SNTG2: variants seen among roughly 807,000 people sequenced by gnomAD.
SNTG2 encodes the protein gamma-2-syntrophin.
Under a neutral mutation model 70.9 loss-of-function variants are expected in SNTG2, and 74 were observed. The observed-to-expected ratio is 1.04, with a 90% CI of 0.86 to 1.27. The LOEUF is 1.27. Among genes scored for constraint, SNTG2 ranks in the 50% most tolerant of loss-of-function variants. SNTG2 has a pLI of 0.00. For missense variants in SNTG2, 717 were observed against 690.7 expected, an observed-to-expected ratio of 1.04 and a Z score of -0.43; for synonymous variants, 278 against 273.8, an observed-to-expected ratio of 1.02 and a Z score of -0.15.
chr2:1,223,411 G>C (rs1271806981), intron 9 of SNTG2, among the ~76,000 whole-genome samples: 1 of 152,072 alleles, frequency 6.6e-6, no homozygotes, highest in East Asian at 1.9e-4. Flanking sequence ...GTGATGGAGG[G>C]CGTCTCCCTG....
chr2:1,222,509 T>G (rs60242449), intron 9 of SNTG2, among the ~76,000 whole-genome samples: 3 of 135,856 alleles, frequency 2.2e-5, no homozygotes, highest in African/African-American at 8.8e-5. Flanking sequence ...ATGGAGGGCG[T>G]CTCCCTGTCC....
rs562321657 is a variant in SNTG2, at chr2:1,099,843, C to A, written c.325+1433C>A. ...GAATGCGTTGCCATGAAATTTGCATCCGGGTAAAGATTCTTTTTCGGCAGA... is the reference window on the plus strand; with the variant it reads ...GAATGCGTTGCCATGAAATTTGCATACGGGTAAAGATTCTTTTTCGGCAGA... On this transcript the variant is annotated intron_variant, in intron 4 of 16. Transcript: ENST00000308624. Among the ~76,000 whole-genome samples the A allele has an allele frequency of 2.0e-5, 3 of 152,310 alleles. No individual in the cohort carries two copies. In the South Asian group the frequency reaches 6.2e-4, roughly 32 times the overall value.
At chr2:1,129,396 G>T (rs1315834700) in intron 4 of SNTG2, among the ~76,000 whole-genome samples, 1 of 152,160 alleles carries the variant, frequency 6.6e-6, no homozygotes, top group Non-Finnish European at 1.5e-5. Flanking sequence ...TTTATATAAA[G>T]GTCTATATCA....
At chr2:1,110,466 C>A (rs1049792401) in intron 4 of SNTG2, among the ~76,000 whole-genome samples, 1 of 152,220 alleles carries the variant, frequency 6.6e-6, no homozygotes, top group Non-Finnish European at 1.5e-5. Flanking sequence ...CCTTTCTCCC[C>A]TAATACCTTC....
chr2:1,069,654 G>A (rs2148133230), intron 1 of SNTG2, among the ~76,000 whole-genome samples: 2 of 152,180 alleles, frequency 1.3e-5, no homozygotes, highest in South Asian at 4.2e-4. Context: ...TGCTGGGCAG[G>A]ATGACACGTG....
At chr2:1,046,205 C>T (rs540876367) in intron 1 of SNTG2, among the ~76,000 whole-genome samples, 33 of 152,066 alleles carry the variant, frequency 2.2e-4, no homozygotes, top group Non-Finnish European at 4.4e-4. Context: ...CTGTTTTCTG[C>T]TTGCTTCATA....
At chr2:1,070,786 C>G (rs1264575995) in intron 1 of SNTG2, among the ~76,000 whole-genome samples, 1 of 152,188 alleles carries the variant, frequency 6.6e-6, no homozygotes, top group Non-Finnish European at 1.5e-5. Context: ...ACGATAATTT[C>G]TGCAGCAAGC....
intron 6 of SNTG2, among the ~76,000 whole-genome samples, chr2:1,163,881 C>T (rs572018653): frequency 1.1e-4 from 16 of 152,242 alleles, no homozygotes; most frequent in African/African-American, 3.9e-4. Context: ...TAGAAATGTC[C>T]TCAGGTGAAA....
At chr2:1,031,540 T>TTTTTTTTTTTTTTTTC (rs1660836760) in intron 1 of SNTG2, among the ~76,000 whole-genome samples, 1 of 71,496 alleles carries the variant, frequency 1.4e-5, no homozygotes, top group East Asian at 2.8e-4. Context: ...TTTTTTTTTT[T>TTTTTTTTTTTTTTTTC]TTTTTTTTGA....
intron 1 of SNTG2, among the ~76,000 whole-genome samples, chr2:1,004,550 A>G (rs1659505664): frequency 6.6e-6 from 1 of 152,234 alleles, no homozygotes; most frequent in South Asian, 2.1e-4. Flanking sequence ...GATGGCAGAT[A>G]AGCATATGAG....
chr2:1,091,060 C>G (rs927098627), intron 2 of SNTG2, among the ~76,000 whole-genome samples: 17 of 152,196 alleles, frequency 1.1e-4, no homozygotes, highest in Admixed American at 3.3e-4. Flanking sequence ...GGCCCATCTC[C>G]TGCCCTGTTC....
chr2:978,378 A>G (rs1359790699), intron 1 of SNTG2, among the ~76,000 whole-genome samples: 3 of 152,228 alleles, frequency 2.0e-5, no homozygotes, highest in African/African-American at 7.2e-5. Flanking sequence ...TTTTCATTCA[A>G]GTTTAGTTGG....
rs991304275 is a variant in SNTG2, at chr2:1,087,171, G to T, written c.210+3516G>T. ...GGTTTAGATGGCCGACAGATAGCAGGAGGGGTAAATAAAAAGACAGCGGCA... is the reference window on the plus strand; with the variant it reads ...GGTTTAGATGGCCGACAGATAGCAGTAGGGGTAAATAAAAAGACAGCGGCA... On this transcript the variant is annotated intron_variant, in intron 2 of 16. Transcript: ENST00000308624. 1.8e-4 allele frequency among the ~76,000 whole-genome samples: 28 copies of T among 152,198 alleles called. 1 individual carries two copies. Among genetic ancestry groups the T allele is most frequent in the Admixed American group, 1.2e-3 (19 of 15,276 alleles).
intron 1 of SNTG2, among the ~76,000 whole-genome samples, chr2:1,015,575 G>A (rs1477230988): frequency 9.9e-5 from 15 of 152,212 alleles, no homozygotes; most frequent in Admixed American, 9.8e-4. Flanking sequence ...TTTAAGGCCA[G>A]TAAACGTGGA....
At chr2:1,172,641 AC>A (rs2147882470) in intron 7 of SNTG2, among the ~76,000 whole-genome samples, 1 of 152,282 alleles carries the variant, frequency 6.6e-6, no homozygotes, top group East Asian at 1.9e-4. Flanking sequence ...CACCTGTTTT[AC>A]CTGTAATGTG....
chr2:1,056,990 T>C (rs7421611), intron 1 of SNTG2, among the ~76,000 whole-genome samples: 17,828 of 112,182 alleles, frequency 0.16, 1,909 homozygotes, highest in East Asian at 0.49. Flanking sequence ...GGCCACCCCG[T>C]GGGGAGGGAG....
chr2:1,022,473 C>G (rs535679843), intron 1 of SNTG2, among the ~76,000 whole-genome samples: 1 of 151,756 alleles, frequency 6.6e-6, no homozygotes, highest in East Asian at 1.9e-4. Context: ...TCCCATGAGT[C>G]CCTGAGTTCC....
At chr2:1,219,699 TGGAGGGGAGGCGAGG>T (rs1191865749) in intron 9 of SNTG2, among the ~76,000 whole-genome samples, 1 of 80,500 alleles carries the variant, frequency 1.2e-5, no homozygotes, top group Non-Finnish European at 2.4e-5. Context: ...GGGAGGGGAG[TGGAGGGGAGGCGAGG>T]GGAGGGGAGG....
chr2:1,165,410 A>C (rs748620090), intron 6 of SNTG2, 138 bp from the exon 7 acceptor site: 9 of 803,822 alleles, frequency 1.1e-5, no homozygotes, highest in African/African-American at 1.8e-5. Context: ...GCTGAAGCCC[A>C]CAAAGTTTTC....
Sources: allele counts gnomAD v4.1 joint callset (sites outside exome capture counted in the v4.1 genomes callset), GRCh38; gene constraint gnomAD v4.1.1; transcripts MANE v1.5; gene names NCBI Gene and HGNC (gene_info 2026-07-23, HGNC 2026-07-21).